TRAK1: variants seen among roughly 807,000 people sequenced by gnomAD.
The protein encoded by TRAK1 is trafficking kinesin protein 1, also known as trafficking kinesin-binding protein 1.
A neutral mutation model predicts 92.1 loss-of-function variants in TRAK1; 33 were observed. That is an observed-to-expected ratio of 0.36 (90% CI 0.27 to 0.48). The LOEUF is 0.48. Ranked by LOEUF, TRAK1 falls within the 20% of genes least tolerant of loss-of-function variation. The pLI is 0.99. For synonymous variants in TRAK1, 521 were observed against 517.3 expected, an observed-to-expected ratio of 1.01 and a Z score of -0.10; for missense variants, 1,123 against 1,257.9, an observed-to-expected ratio of 0.89 and a Z score of 1.62.
intron 2 of TRAK1, among the ~76,000 whole-genome samples, chr3:42,158,963 AT>A (rs1449445556): frequency 7.3e-4 from 16 of 21,968 alleles, no homozygotes; most frequent in Non-Finnish European, 1.4e-3. Flanking sequence ...TGTCTCAAAA[AT>A]AATAATAATA....
At chr3:42,167,078 A>G (rs1373375899) in intron 2 of TRAK1, among the ~76,000 whole-genome samples, 2 of 152,352 alleles carry the variant, frequency 1.3e-5, no homozygotes, top group South Asian at 4.1e-4. Flanking sequence ...GCAGACTGCT[A>G]CTGCTCCTCC....
At chr3:42,079,493 T>G (rs1704328463) in intron 1 of TRAK1, among the ~76,000 whole-genome samples, 1 of 145,606 alleles carries the variant, frequency 6.9e-6, no homozygotes, top group East Asian at 2.0e-4. Context: ...TTTTTTTTTT[T>G]GTTTTGAGAT....
chr3:42,193,786 A>G lies in TRAK1; in HGVS notation c.901-38A>G, dbSNP rs1553756485. 5.0e-6 allele frequency: 8 copies of G among 1,607,838 alleles called. No individual in the cohort carries two copies. In the African/African-American group the frequency reaches 5.4e-5, roughly 11 times the overall value. ...GAGGGAAAAAGTTGGACTTTTACCA[A>G]GTATCTTAGGAAGTGATCTATCTTT... On this transcript the variant is annotated intron_variant, in intron 8 of 15. Coordinates refer to ENST00000327628, the MANE Select transcript of TRAK1 (RefSeq NM_001042646.3).
intron 1 of TRAK1, among the ~76,000 whole-genome samples, chr3:42,019,749 T>G (rs1701663094): frequency 6.6e-6 from 1 of 152,184 alleles, no homozygotes; most frequent in South Asian, 2.1e-4. Flanking sequence ...TCAAATAATT[T>G]CCAGTTTGAG....
intron 1 of TRAK1, among the ~76,000 whole-genome samples, chr3:42,102,664 G>A (rs1233841584): frequency 2.6e-5 from 4 of 152,194 alleles, no homozygotes; most frequent in African/African-American, 7.2e-5. Flanking sequence ...TGTATAAGGT[G>A]TGAGTTTCTG....
At chr3:42,056,961 G>T (rs962947526) in intron 1 of TRAK1, among the ~76,000 whole-genome samples, 4 of 152,218 alleles carry the variant, frequency 2.6e-5, no homozygotes, top group Non-Finnish European at 4.4e-5. Context: ...AGAGGAGCCA[G>T]TTTTCTGTGG....
intron 14 of TRAK1, chr3:42,211,565 T>C: frequency 1.0e-6 from 1 of 985,320 alleles, no homozygotes; most frequent in African/African-American, 1.7e-5. Flanking sequence ...GCTAAAGGGG[T>C]AGGCCTTATG....
At chr3:42,214,639 G>A (rs1709453216) in intron 14 of TRAK1, among the ~76,000 whole-genome samples, 1 of 152,180 alleles carries the variant, frequency 6.6e-6, no homozygotes, top group South Asian at 2.1e-4. Context: ...TTGGTGTAGT[G>A]GGAAGAAGAG....
rs74763705 is a variant in TRAK1 at position 42,075,521 on chromosome 3, G to A, written c.-518-11583G>A. Among the ~76,000 whole-genome samples, 599 of 152,232 alleles carry A rather than the reference G, an allele frequency of 3.9e-3. 2 individuals carry two copies. The highest frequency in any genetic ancestry group is 0.014 in the African/African-American group (562 of 41,526). ...ATATGCCCAGTAATGGGATTGTTGC[G>A]TTGAATGGTAGTTCTATTTTAAATT... On this transcript the variant is annotated intron_variant, in intron 1 of 16. Coordinates refer to the TRAK1 transcript ENST00000487159.
chr3:42,149,160 T>G (rs1576628526), intron 2 of TRAK1: 4 of 1,016,006 alleles, frequency 3.9e-6, no homozygotes, highest in Non-Finnish European at 4.7e-6. Context: ...GAGGCTTGAG[T>G]GAGACAGCCA....
chr3:42,153,018 G>T (rs1234749627), intron 2 of TRAK1, among the ~76,000 whole-genome samples: 1 of 152,172 alleles, frequency 6.6e-6, no homozygotes, highest in Non-Finnish European at 1.5e-5. Context: ...ATAGCTCTTT[G>T]TAAGCGACGA....
chr3:42,109,459 G>A (rs1708039754), intron 1 of TRAK1, among the ~76,000 whole-genome samples: 1 of 152,212 alleles, frequency 6.6e-6, no homozygotes, highest in African/African-American at 2.4e-5. Context: ...AAATTCAACT[G>A]TGAAAGTGCT....
At chr3:42,078,758 A>AC (rs140143919) in intron 1 of TRAK1, among the ~76,000 whole-genome samples, 62,854 of 132,402 alleles carry the variant, frequency 0.47, 14,269 homozygotes, top group South Asian at 0.64. Context: ...ATCTCAAAAA[A>AC]AAAAAAAAAA....
intron 1 of TRAK1, among the ~76,000 whole-genome samples, chr3:42,078,172 T>C (rs1403286325): frequency 6.6e-6 from 1 of 152,130 alleles, no homozygotes; most frequent in African/African-American, 2.4e-5. Context: ...TGGTTTGCCT[T>C]CCCACTAAGC....
chr3:42,042,153 C>T (rs968800084), intron 1 of TRAK1, among the ~76,000 whole-genome samples: 5 of 151,802 alleles, frequency 3.3e-5, no homozygotes, highest in African/African-American at 9.7e-5. Context: ...TCTCAAACTC[C>T]TGACTTCAGG....
intron 1 of TRAK1, among the ~76,000 whole-genome samples, chr3:42,078,584 T>C (rs1164718451): frequency 6.6e-6 from 1 of 151,486 alleles, no homozygotes; most frequent in Non-Finnish European, 1.5e-5. Context: ...AAACCCCATC[T>C]CTACTAAAAA....
intron 1 of TRAK1, among the ~76,000 whole-genome samples, chr3:42,115,497 G>C (rs749253952): frequency 6.6e-6 from 1 of 152,194 alleles, no homozygotes; most frequent in South Asian, 2.1e-4. Flanking sequence ...ATGTGTCACC[G>C]GGGCTGGTGC....
intron 1 of TRAK1, among the ~76,000 whole-genome samples, chr3:42,050,691 T>C (rs1170946089): frequency 6.6e-6 from 1 of 152,186 alleles, no homozygotes; most frequent in African/African-American, 2.4e-5. Context: ...GGAGTCTTGC[T>C]CTATTGCCCA....
At chr3:42,097,875 G>A (rs1048551144) in intron 1 of TRAK1, among the ~76,000 whole-genome samples, 1 of 152,224 alleles carries the variant, frequency 6.6e-6, no homozygotes, top group Non-Finnish European at 1.5e-5. Context: ...GTCCATCAGA[G>A]TGTGCTCTGG....
Sources: allele counts gnomAD v4.1 joint callset (sites outside exome capture counted in the v4.1 genomes callset), GRCh38; gene constraint gnomAD v4.1.1; transcripts MANE v1.5; gene names NCBI Gene and HGNC (gene_info 2026-07-23, HGNC 2026-07-21).